The following PTPRN2 variants were observed in gnomAD, a reference collection of about 807,000 sequenced individuals.
The protein encoded by PTPRN2 is receptor-type tyrosine-protein phosphatase N2.
Under a neutral mutation model 118.8 loss-of-function variants are expected in PTPRN2, and 74 were observed. That is an observed-to-expected ratio of 0.62 (90% CI 0.52 to 0.76). PTPRN2 has a LOEUF of 0.76. Among genes scored for constraint, PTPRN2 ranks in the 30% least tolerant of loss-of-function variants. The pLI, the probability that PTPRN2 is intolerant of heterozygous loss-of-function variation, is 0.00. For missense variants in PTPRN2, 1,481 were observed against 1,394.4 expected (o/e 1.06, Z -0.99); for synonymous variants, 641 against 608.0 (o/e 1.05, Z -0.80).
chr7:158,396,435 T>C (rs1812507212), intron 2 of PTPRN2, among the ~76,000 whole-genome samples: 1 of 152,142 alleles, frequency 6.6e-6, no homozygotes, highest in African/African-American at 2.4e-5. Flanking sequence ...TGTGTGTGCA[T>C]GAATGTGTCA....
At chr7:157,979,065 A>G (rs1585126144) in intron 11 of PTPRN2, among the ~76,000 whole-genome samples, 1 of 151,958 alleles carries the variant, frequency 6.6e-6, no homozygotes, top group Non-Finnish European at 1.5e-5. Context: ...GGCCTACTGC[A>G]CCTGCTTGGC....
chr7:157,646,316 G>C (rs913568230), intron 14 of PTPRN2, among the ~76,000 whole-genome samples: 1 of 152,102 alleles, frequency 6.6e-6, no homozygotes, highest in African/African-American at 2.4e-5. Context: ...AGGCTTTCCT[G>C]AGATGGTGTT....
Position 157,845,229 on chromosome 7 carries a change from A to T in PTPRN2, c.1788+53444T>A, listed in dbSNP as rs987723647. Among the ~76,000 whole-genome samples the T allele has an allele frequency of 2.0e-5, 3 of 152,106 alleles. No individual in the cohort carries two copies. The highest frequency in any genetic ancestry group is 4.4e-5 in the Non-Finnish European group (3 of 68,010). On this transcript the variant is annotated intron_variant, in intron 12 of 22. Transcript: ENST00000389418. This position sits in a 1 kb window ranked among gnomAD's most constrained non-coding sequence, Gnocchi z 4.5. The stretch of plus-strand genomic sequence containing the variant: ...AGGCTAATGTAATGAATACACTAGC[A>T]CCCTTAGCCAGCTGTAGGAAAAAAA...
intron 11 of PTPRN2, among the ~76,000 whole-genome samples, chr7:158,002,760 CGG>C (rs113680079): frequency 2.0e-5 from 3 of 152,150 alleles, no homozygotes; most frequent in African/African-American, 7.2e-5. Flanking sequence ...ATGGACTTGC[CGG>C]GGAGGAACTC....
At position 158,423,288 on chromosome 7, in the gene PTPRN2, T is replaced by C. The variant is rs113816830; in HGVS notation, c.163+66447A>G. ...GGGCCAGACCTGAGCAGCACGGCAG[T>C]GAAGGAAGTGGATTTGGGGGGCTTC... On this transcript the variant is annotated intron_variant, in intron 2 of 22. Transcript: ENST00000389418. 3.8e-3 allele frequency among the ~76,000 whole-genome samples: 586 copies of C among 152,338 alleles called. 6 individuals carry two copies. Among genetic ancestry groups the C allele is most frequent in the African/African-American group, 0.013 (559 of 41,584 alleles).
chr7:157,709,614 T>C (rs1325927218), intron 12 of PTPRN2, among the ~76,000 whole-genome samples: 1 of 152,220 alleles, frequency 6.6e-6, no homozygotes, highest in Non-Finnish European at 1.5e-5. Context: ...CTCCACGTTG[T>C]GCAGCCACAT....
chr7:157,575,285 T>C (rs1273205081), intron 19 of PTPRN2, among the ~76,000 whole-genome samples: 1 of 152,240 alleles, frequency 6.6e-6, no homozygotes, highest in Non-Finnish European at 1.5e-5. Context: ...TTCTACATAG[T>C]ATGTCTTTAG....
At chr7:157,683,359 C>T (rs1286961820) in intron 12 of PTPRN2, among the ~76,000 whole-genome samples, 1 of 152,172 alleles carries the variant, frequency 6.6e-6, no homozygotes, top group Admixed American at 6.5e-5. Context: ...GGTGGGCAGG[C>T]CCGGAGCCTT....
chr7:157,645,098 G>C (rs1234195459), intron 14 of PTPRN2, among the ~76,000 whole-genome samples: 1 of 152,258 alleles, frequency 6.6e-6, no homozygotes, highest in African/African-American at 2.4e-5. Context: ...GAGCAGAACA[G>C]TTTCACTGCC....
chr7:158,294,669 C>T (rs901149962), intron 3 of PTPRN2, among the ~76,000 whole-genome samples: 8 of 140,850 alleles, frequency 5.7e-5, no homozygotes, highest in East Asian at 2.4e-4. Context: ...GGAGTGTTCC[C>T]GGGGGAGAGT....
At chr7:157,777,248 C>A (rs1803385031) in intron 12 of PTPRN2, among the ~76,000 whole-genome samples, 1 of 152,216 alleles carries the variant, frequency 6.6e-6, no homozygotes, top group South Asian at 2.1e-4. Flanking sequence ...ACACAAGAAA[C>A]ACATACAAGT....
chr7:158,319,378 G>GCA (rs1027218567), intron 2 of PTPRN2, among the ~76,000 whole-genome samples: 17 of 146,100 alleles, frequency 1.2e-4, no homozygotes, highest in East Asian at 1.0e-3. Flanking sequence ...CCTCACACAT[G>GCA]CACACACACA....
intron 14 of PTPRN2, among the ~76,000 whole-genome samples, chr7:157,625,918 C>A (rs892615076): frequency 1.3e-5 from 2 of 152,126 alleles, no homozygotes; most frequent in Non-Finnish European, 2.9e-5. Flanking sequence ...CAACGAATAA[C>A]CCCAGGGCCC....
intron 2 of PTPRN2, among the ~76,000 whole-genome samples, chr7:158,373,837 C>T (rs548745854): frequency 2.0e-5 from 3 of 152,334 alleles, no homozygotes; most frequent in South Asian, 2.1e-4. Context: ...AGCATCTGGG[C>T]GCCCTCTCTG....
At chr7:157,806,422 C>A (rs1805635465) in intron 12 of PTPRN2, among the ~76,000 whole-genome samples, 1 of 151,982 alleles carries the variant, frequency 6.6e-6, no homozygotes, top group African/African-American at 2.4e-5. Context: ...ACAGATGTAT[C>A]TGTATATATG....
At chr7:158,528,773 T>C (rs992371041) in intron 1 of PTPRN2, among the ~76,000 whole-genome samples, 2 of 145,102 alleles carry the variant, frequency 1.4e-5, no homozygotes, top group African/African-American at 5.2e-5. Context: ...CACTCCAGCC[T>C]GGGCAACAGA....
chr7:157,908,110 G>A (rs552249596), intron 11 of PTPRN2, among the ~76,000 whole-genome samples: 10 of 152,322 alleles, frequency 6.6e-5, no homozygotes, highest in African/African-American at 2.4e-4. Flanking sequence ...GGGACCGGCC[G>A]GCGTCTCCGC....
intron 1 of PTPRN2, among the ~76,000 whole-genome samples, chr7:158,524,268 AGTCTGCCCTGGTGTGGAGTC>A (rs1272122773): frequency 3.6e-5 from 2 of 55,042 alleles, no homozygotes; most frequent in African/African-American, 1.6e-4. Context: ...CCTGGAGCGG[AGTCTGCCCTGGTGTGGAGTC>A]GTCTGCCCTG....
chr7:157,845,388 T>G lies in PTPRN2; in HGVS notation c.1788+53285A>C, dbSNP rs950008939. 5.3e-5 allele frequency among the ~76,000 whole-genome samples: 8 copies of G among 149,690 alleles called. No individual in the cohort carries two copies. Among genetic ancestry groups the G allele is most frequent in the African/African-American group, 2.0e-4 (8 of 40,374 alleles). On this transcript the variant is annotated intron_variant, in intron 12 of 22. Coordinates refer to ENST00000389418, the MANE Select transcript of PTPRN2 (RefSeq NM_002847.5). The surrounding 1 kb of genome is among the most constrained non-coding windows in gnomAD (Gnocchi z 4.5). ...ATGTTCCCGGCCACGCCACAGTGAA[T>G]CACGCAGCCTAACTCACCAGGTTAC...
Sources: gnomAD v4.1 joint callset for allele counts (sites outside exome capture counted in the v4.1 genomes callset) on GRCh38, gnomAD v4.1.1 for gene constraint, Gnocchi (gnomAD v3.1) non-coding constraint, MANE v1.5 for transcripts, NCBI Gene and HGNC (gene_info 2026-07-23, HGNC 2026-07-21) for gene names.